NHEJ1: variants seen among roughly 807,000 people sequenced by gnomAD.
The protein encoded by NHEJ1 is non-homologous end joining factor 1, also known as non-homologous end-joining factor 1.
Under a neutral mutation model 39.4 loss-of-function variants are expected in NHEJ1, and 22 were observed. The ratio of observed to expected loss-of-function variants is 0.56; its 90% CI spans 0.40 to 0.80. NHEJ1 has a LOEUF of 0.80. Ranked by LOEUF, NHEJ1 falls within the 30% of genes least tolerant of loss-of-function variation. The probability of loss-of-function intolerance (pLI) is 0.00; values close to 1 mark genes in which losing one functional copy is unlikely to be tolerated. For missense variants in NHEJ1, 329 were observed against 357.1 expected (o/e 0.92, Z 0.63); for synonymous variants, 154 against 135.6 (o/e 1.14, Z -0.94).
Position 219,135,604 on chromosome 2 carries a change from G to A in NHEJ1, c.588+11076C>T, listed in dbSNP as rs190679650. Among the ~76,000 whole-genome samples, 86 of 152,168 alleles carry A rather than the reference G, an allele frequency of 5.7e-4. 1 individual carries two copies. The highest frequency in any genetic ancestry group is 1.9e-3 in the African/African-American group (79 of 41,540). ...AGCCTACAGGACAGAGTGAGATTCC[G>A]TCTCAAAAGTAAAGAAGTAAGACAT... On this transcript the variant is annotated intron_variant, in intron 5 of 7. Transcript: ENST00000356853.
chr2:219,077,312 A>G lies in NHEJ1; in HGVS notation c.759T>C (p.Cys253=). ...SASLQGIDSQ[C]VNQPEQLVSS... ...AGACCAGTTGTTCTGGCTGGTTTAC[A>G]CATTGGCTATCGATTCCTTGCAGGG... The change falls in exon 7 of 8, where the codon TGT becomes TGC. Residue 253 remains cysteine, a synonymous_variant. Transcript: ENST00000356853. The G allele has an allele frequency of 1.1e-5, 17 of 1,614,122 alleles. No individual in the cohort carries two copies. Among genetic ancestry groups the G allele is most frequent in the Non-Finnish European group, 1.4e-5 (16 of 1,180,006 alleles).
intron 5 of NHEJ1, among the ~76,000 whole-genome samples, chr2:219,099,844 C>A (rs375730107): frequency 1.3e-5 from 2 of 152,014 alleles, no homozygotes; most frequent in Non-Finnish European, 2.9e-5. Flanking sequence ...GAGGAAGAGA[C>A]TGAAGATAAA....
chr2:219,117,419 T>G (rs915672305), intron 5 of NHEJ1, among the ~76,000 whole-genome samples: 3 of 152,208 alleles, frequency 2.0e-5, no homozygotes, highest in Non-Finnish European at 4.4e-5. Flanking sequence ...TGGACTCACC[T>G]GGTCAGTAAC....
intron 5 of NHEJ1, among the ~76,000 whole-genome samples, chr2:219,143,066 G>C (rs1949706494): frequency 6.6e-6 from 1 of 152,160 alleles, no homozygotes; most frequent in Non-Finnish European, 1.5e-5. Context: ...CTCTTGCCTA[G>C]TAATAATCCC....
At chr2:219,154,617 C>T (rs1378106476) in intron 3 of NHEJ1, among the ~76,000 whole-genome samples, 1 of 152,080 alleles carries the variant, frequency 6.6e-6, no homozygotes, top group African/African-American at 2.4e-5. Context: ...CTAACTTTTT[C>T]CATATAAAGC....
At chr2:219,125,132 A>AC (rs1338741177) in intron 5 of NHEJ1, among the ~76,000 whole-genome samples, 3 of 151,766 alleles carry the variant, frequency 2.0e-5, no homozygotes, top group African/African-American at 7.3e-5. Context: ...TTAAAAAAAA[A>AC]AAAACCTAGA....
intron 5 of NHEJ1, among the ~76,000 whole-genome samples, chr2:219,080,782 T>C (rs924341692): frequency 6.6e-6 from 1 of 151,824 alleles, no homozygotes; most frequent in African/African-American, 2.4e-5. Flanking sequence ...CTACTACTAT[T>C]TCCCTGGCAT....
chr2:219,087,148 A>G (rs914196733), intron 5 of NHEJ1, among the ~76,000 whole-genome samples: 4 of 152,232 alleles, frequency 2.6e-5, no homozygotes, highest in Admixed American at 1.3e-4. Context: ...GGCTCCGACC[A>G]GCCTAGCAGG....
intron 5 of NHEJ1, among the ~76,000 whole-genome samples, chr2:219,091,966 A>G (rs1949163807): frequency 6.6e-6 from 1 of 152,266 alleles, no homozygotes; most frequent in Non-Finnish European, 1.5e-5. Flanking sequence ...AGAACTTTTT[A>G]CTTGACACCC....
At position 219,148,057 on chromosome 2, in the gene NHEJ1, G is replaced by A. The variant is rs915885285; in HGVS notation, c.391-262C>T. Among the ~76,000 whole-genome samples, 3 of 152,220 alleles carry A rather than the reference G, an allele frequency of 2.0e-5. No individual in the cohort carries two copies. In the East Asian group the frequency reaches 5.8e-4, roughly 29 times the overall value. ...GTGGGTCACTTGAGGTCAGGAGTTT[G>A]ACACAAGCACGGCCAACATGGCCAA... On this transcript the variant is annotated intron_variant, in intron 3 of 7. Transcript: ENST00000356853.
At position 219,073,133 on chromosome 2, in the gene NHEJ1, G is replaced by A. The variant is rs1224973663; in HGVS notation, c.*3248C>T. On this transcript the variant is annotated 3_prime_UTR_variant, in exon 8 of 8. Transcript: ENST00000356853. The stretch of plus-strand genomic sequence containing the variant: ...ATCTCTCCTTCCCCCAGTGCTCACT[G>A]TGGGTGCGCTACACCAGGCCTGTGG... Among the ~76,000 whole-genome samples the A allele has an allele frequency of 6.6e-6, 1 of 152,186 alleles. No homozygotes were observed. The highest frequency in any genetic ancestry group is 1.5e-5 in the Non-Finnish European group (1 of 68,030).
At chr2:219,152,789 T>TTTATTTATTTATTTATTTATTTA (rs1949809667) in intron 3 of NHEJ1, among the ~76,000 whole-genome samples, 5 of 87,784 alleles carry the variant, frequency 5.7e-5, no homozygotes, top group Admixed American at 1.1e-4. Context: ...ATTTATTTAT[T>TTTATTTATTTATTTATTTATTTA]TTTATTTATT....
At chr2:219,147,828 A>C (rs1248791690) in intron 3 of NHEJ1, 33 bp from the exon 4 acceptor site, 1 of 1,611,902 alleles carries the variant, frequency 6.2e-7, no homozygotes, top group Non-Finnish European at 8.5e-7. Context: ...TAGCCAAAAG[A>C]CTCTTATAAA....
Position 219,076,230 on chromosome 2 carries a change from C to T in NHEJ1, c.*151G>A. On this transcript the variant is annotated 3_prime_UTR_variant, in exon 8 of 8. Transcript: ENST00000356853. ...CAGGGAAGGCCAATTCCCTGTGGGC[C>T]TGTCAACATCAACTTCAGTTCTCTC... 1 of 1,523,540 alleles carries T rather than the reference C, an allele frequency of 6.6e-7. No homozygotes were observed. Among genetic ancestry groups the T allele is most frequent in the Non-Finnish European group, 8.8e-7 (1 of 1,130,328 alleles). 94.4% of individuals were successfully genotyped at this position (1,523,540 alleles called of 1,614,324 possible).
intron 5 of NHEJ1, among the ~76,000 whole-genome samples, chr2:219,104,319 G>T (rs150789938): frequency 5.6e-4 from 85 of 152,342 alleles, no homozygotes; most frequent in Non-Finnish European, 9.8e-4. Flanking sequence ...GTGTCCCCTA[G>T]TGGTTGAGAA....
chr2:219,149,262 T>G (rs1949772768), intron 3 of NHEJ1, among the ~76,000 whole-genome samples: 1 of 152,144 alleles, frequency 6.6e-6, no homozygotes, highest in African/African-American at 2.4e-5. Flanking sequence ...GATACTCTCA[T>G]ATGATAATGT....
At chr2:219,139,520 C>T (rs1949669879) in intron 5 of NHEJ1, among the ~76,000 whole-genome samples, 3 of 152,114 alleles carry the variant, frequency 2.0e-5, no homozygotes, top group South Asian at 4.2e-4. Context: ...ATGAATTATC[C>T]GGATGTTACA....
Position 219,158,323 on chromosome 2 carries a change from C to T in NHEJ1, c.40G>A (p.Ala14Thr), listed in dbSNP as rs34689457. The T allele has an allele frequency of 7.8e-3, 12,652 of 1,614,152 alleles. 827 individuals carry two copies. The African/African-American group carries it at 0.14, about 18-fold the overall frequency. The change falls in exon 2 of 8, where the codon GCG becomes ACG. Residue 14 changes from alanine (A) to threonine (T), a missense_variant. Coordinates refer to ENST00000356853, the MANE Select transcript of NHEJ1 (RefSeq NM_024782.3). Reference protein sequence around the residue: ...LEQGLLMQPWAWLQLAENSLL... With the variant: ...LEQGLLMQPWTWLQLAENSLL... ...GAGTTCTCTGCAAGCTGTAGCCACG[C>T]CCATGGCTGCATCAACAGGCCTTGC... is the stretch of plus-strand genomic sequence containing the variant.
chr2:219,140,187 T>C (rs917144477), intron 5 of NHEJ1, among the ~76,000 whole-genome samples: 1 of 152,132 alleles, frequency 6.6e-6, no homozygotes, highest in African/African-American at 2.4e-5. Context: ...AAGAGGCCAG[T>C]GTGGCTGCAG....
Sources: gnomAD v4.1 joint callset for allele counts (sites outside exome capture counted in the v4.1 genomes callset) on GRCh38, gnomAD v4.1.1 for gene constraint, MANE v1.5 for transcripts, NCBI Gene and HGNC (gene_info 2026-07-23, HGNC 2026-07-21) for gene names.